FMR1: variants seen among roughly 807,000 people sequenced by gnomAD.
FMR1 encodes the protein FMRP translational regulator 1.
Under a neutral mutation model 50.6 loss-of-function variants are expected in FMR1, and 13 were observed. That is an observed-to-expected ratio of 0.26 (90% CI 0.17 to 0.41). The LOEUF (loss-of-function observed/expected upper bound fraction) is 0.41. FMR1 is among the 10% of genes least tolerant of loss of function. The pLI is 1.00. For missense variants in FMR1, 316 were observed against 491.3 expected (o/e 0.64, Z 3.37); for synonymous variants, 138 against 164.1 (o/e 0.84, Z 1.22).
At chrX:147,932,143 A>C (rs1238522051) in intron 7 of FMR1, among the ~76,000 whole-genome samples, 3 of 111,885 alleles carry the variant, frequency 2.7e-5, no homozygotes, top group African/African-American at 9.7e-5. Context: ...GTCATTGGTT[A>C]ACTAAGGCAG....
rs368581020 is a variant in FMR1, at chrX:147,918,555, C to CTTTTTTTTT, written c.52-3361_52-3353dup. On this transcript the variant is annotated intron_variant, in intron 1 of 16. Coordinates refer to ENST00000370475, the MANE Select transcript of FMR1 (RefSeq NM_002024.6). ...GAAATGCATTCAGAGCCTGCAAAAG[C>CTTTTTTTTT]TTTTTTTTTTTTTTTTTTTTTTTTT... Among the ~76,000 whole-genome samples, 166 of 47,268 alleles carry CTTTTTTTTT rather than the reference C, an allele frequency of 3.5e-3. 23 individuals carry two copies. Among genetic ancestry groups the CTTTTTTTTT allele is most frequent in the African/African-American group, 0.012 (111 of 9,268 alleles). 41.0% of individuals were successfully genotyped at this position (47,268 alleles called of 115,157 possible). A position where few individuals can be genotyped will look rare whatever the true frequency, so the allele number is the denominator to read the frequency against.
intron 14 of FMR1, chrX:147,943,643 G>A (rs1262113090): frequency 2.7e-5 from 7 of 255,580 alleles, no homozygotes; most frequent in African/African-American, 1.4e-4. Flanking sequence ...GTGTACTGTG[G>A]CTCATTTTTA....
chrX:147,930,618 A>G (rs1409541919), intron 7 of FMR1, among the ~76,000 whole-genome samples: 2 of 112,011 alleles, frequency 1.8e-5, no homozygotes, highest in Non-Finnish European at 3.8e-5. Flanking sequence ...TTAAAAGGGT[A>G]TAGAACTTCT....
intron 1 of FMR1, chrX:147,912,944 C>G: frequency 3.5e-6 from 1 of 282,473 alleles, no homozygotes; most frequent in Non-Finnish European, 6.2e-6. Context: ...TTCGCGTCCC[C>G]CTTTTTGTTA....
chrX:147,932,476 G>C lies in FMR1; in HGVS notation c.682G>C (p.Asp228His), dbSNP rs1557178881. 8.3e-7 allele frequency: 1 copy of C among 1,209,637 alleles called. No individual in the cohort carries two copies. Among genetic ancestry groups the C allele is most frequent in the Non-Finnish European group, 1.1e-6 (1 of 893,647 alleles). The stretch of plus-strand genomic sequence containing the variant: ...TCATGAACAGTTTATCGTAAGAGAA[G>C]ATCTGATGGGTCTAGCTATTGGTAC... ...RFHEQFIVRE[D>H]LMGLAIGTHG... is the part of the protein sequence containing the mutation. The change falls in exon 8 of 17, where the codon GAT becomes CAT. Residue 228 changes from aspartate (D) to histidine (H), a missense_variant. Physicochemically the swap from Asp to His is moderately conservative, Grantham distance 81 (BLOSUM62 -1). Coordinates refer to ENST00000370475, the MANE Select transcript of FMR1 (RefSeq NM_002024.6).
chrX:147,920,707 G>A (rs1362633458), intron 1 of FMR1, among the ~76,000 whole-genome samples: 2 of 112,005 alleles, frequency 1.8e-5, no homozygotes, highest in African/African-American at 6.5e-5. Flanking sequence ...TAAGTTTATT[G>A]TAGGGATAAG....
chrX:147,946,766 G>A (rs1303343608), intron 16 of FMR1, among the ~76,000 whole-genome samples: 4 of 112,139 alleles, frequency 3.6e-5, no homozygotes, highest in Non-Finnish European at 3.8e-5. Flanking sequence ...CCTGACTATG[G>A]ATTCATTTGG....
chrX:147,936,401 TA>T, intron 9 of FMR1, 102 bp from the exon 10 acceptor site: 1 of 546,522 alleles, frequency 1.8e-6, no homozygotes, highest in Non-Finnish European at 3.2e-6. Context: ...CACATACACA[TA>T]AAAATATCTA....
At chrX:147,937,823 G>T (rs369902962) in intron 11 of FMR1, among the ~76,000 whole-genome samples, 3 of 111,978 alleles carry the variant, frequency 2.7e-5, no homozygotes, top group South Asian at 7.3e-4. Context: ...AAATAATGGG[G>T]TTGCATTTAG....
intron 2 of FMR1, among the ~76,000 whole-genome samples, chrX:147,922,728 G>A (rs782294981): frequency 1.8e-5 from 2 of 111,517 alleles, no homozygotes; most frequent in African/African-American, 6.5e-5. Flanking sequence ...CTGATGGATG[G>A]TTAACAGTTA....
intron 2 of FMR1, among the ~76,000 whole-genome samples, chrX:147,922,194 G>GT (rs1204603725): frequency 8.9e-6 from 1 of 111,834 alleles, no homozygotes; most frequent in African/African-American, 3.2e-5. Flanking sequence ...TTATTGTATG[G>GT]TATTGATCCT....
At chrX:147,937,698 T>C (rs2124541854) in intron 11 of FMR1, 98 bp downstream of exon 11, 6 of 556,813 alleles carry the variant, frequency 1.1e-5, no homozygotes, top group Non-Finnish European at 1.6e-5. Context: ...ACTTGTAGGC[T>C]ACTTATGTTC....
At chrX:147,920,832 A>C (rs1241012680) in intron 1 of FMR1, among the ~76,000 whole-genome samples, 2 of 112,112 alleles carry the variant, frequency 1.8e-5, no homozygotes, top group African/African-American at 6.5e-5. Flanking sequence ...TAGCTATGTA[A>C]AAAGAGGGGA....
rs782386085 is a variant in FMR1 at position 147,936,617 on chromosome X, T to C, written c.990+4T>C. The C allele has an allele frequency of 4.7e-6, 5 of 1,071,262 alleles. No homozygotes were observed. The Admixed American group carries it at 1.1e-4, about 23-fold the overall frequency. 88.3% of individuals were successfully genotyped at this position (1,071,262 alleles called of 1,213,427 possible). ...GAAAAATGTTCCACAAGAAGAGGTA[T>C]GTTACAGTGCGAATATTTTGTGGCA... On this transcript the variant is annotated splice_donor_region_variant and intron_variant, in intron 10 of 16. Coordinates refer to ENST00000370475, the MANE Select transcript of FMR1 (RefSeq NM_002024.6).
intron 1 of FMR1, chrX:147,912,919 T>C (rs782119834): frequency 3.5e-6 from 1 of 286,264 alleles, no homozygotes; most frequent in African/African-American, 2.8e-5. Flanking sequence ...TTGAAGAAGT[T>C]GATCATCGTG....
intron 12 of FMR1, among the ~76,000 whole-genome samples, chrX:147,939,615 G>A (rs782195120): frequency 5.5e-5 from 6 of 109,599 alleles, no homozygotes; most frequent in Admixed American, 2.9e-4. Context: ...GAATTTGATC[G>A]GCCAGGCGCG....
At position 147,928,351 on chromosome X, in the gene FMR1, T is replaced by C; in HGVS notation, c.228T>C (p.Pro76=). 1 of 1,208,815 alleles carries C rather than the reference T, an allele frequency of 8.3e-7. No homozygotes were observed. The highest frequency in any genetic ancestry group is 1.8e-5 in the South Asian group (1 of 56,844). The stretch of plus-strand genomic sequence containing the variant: ...ATTCCAGAGCAAATGAAAAAGAGCC[T>C]TGCTGTTGGTGGTTAGCTAAAGTGA... ...EVYSRANEKE[P]CCWWLAKVRM... The change falls in exon 4 of 17, where the codon CCT becomes CCC. Residue 76 remains proline (P), a synonymous_variant. Transcript: ENST00000370475.
chrX:147,926,279 TTGTG>T (rs1333499569), intron 3 of FMR1, among the ~76,000 whole-genome samples: 1 of 111,664 alleles, frequency 9.0e-6, no homozygotes, highest in East Asian at 2.8e-4. Flanking sequence ...CTCATATAGT[TTGTG>T]TGGTATCTTC....
At chrX:147,946,929 T>A (rs782711774) in intron 16 of FMR1, 2 of 112,414 alleles carry the variant, frequency 1.8e-5, no homozygotes, top group South Asian at 7.4e-4. Flanking sequence ...GGTAAATTAC[T>A]GTATGTACCT....
Sources: gnomAD v4.1 joint callset for allele counts (sites outside exome capture counted in the v4.1 genomes callset) on GRCh38, gnomAD v4.1.1 for gene constraint, MANE v1.5 for transcripts, NCBI Gene and HGNC (gene_info 2026-07-23, HGNC 2026-07-21) for gene names.